KAZN: variants seen among roughly 807,000 people sequenced by gnomAD.
KAZN encodes kazrin, periplakin interacting protein, also known as kazrin.
Under a neutral mutation model 87.4 loss-of-function variants are expected in KAZN, and 40 were observed. The ratio of observed to expected loss-of-function variants is 0.46; its 90% CI spans 0.36 to 0.60. The LOEUF (loss-of-function observed/expected upper bound fraction) is 0.60. Among genes scored for constraint, KAZN ranks in the 20% least tolerant of loss-of-function variants. The pLI, the probability that KAZN is intolerant of heterozygous loss-of-function variation, is 0.00. For missense variants in KAZN, 898 were observed against 1,073.9 expected, an observed-to-expected ratio of 0.84 and a Z score of 2.29; for synonymous variants, 466 against 458.3, an observed-to-expected ratio of 1.02 and a Z score of -0.22.
intron 2 of KAZN, among the ~76,000 whole-genome samples, chr1:14,358,544 TTCTC>T (rs945848051): frequency 1.3e-5 from 2 of 152,210 alleles, no homozygotes; most frequent in Non-Finnish European, 2.9e-5. Flanking sequence ...CTTTCCTTCT[TTCTC>T]TTGTGGGCAT....
intron 1 of KAZN, among the ~76,000 whole-genome samples, chr1:14,778,867 TC>T (rs779135900): frequency 4.6e-5 from 7 of 152,186 alleles, no homozygotes; most frequent in Non-Finnish European, 8.8e-5. Context: ...GCAGGAACTT[TC>T]ATGAGACTGC....
At chr1:14,672,991 C>T (rs1324529198) in intron 1 of KAZN, among the ~76,000 whole-genome samples, 2 of 152,196 alleles carry the variant, frequency 1.3e-5, no homozygotes, top group African/African-American at 2.4e-5. Context: ...AGGCCGAGAA[C>T]GTTTCTGGCT....
chr1:14,642,038 G>A (rs934173498), intron 1 of KAZN, among the ~76,000 whole-genome samples: 3 of 152,172 alleles, frequency 2.0e-5, no homozygotes, highest in African/African-American at 7.2e-5. Flanking sequence ...TGCAGAAGAG[G>A]ATATATGGAT....
At chr1:14,638,568 CA>C (rs1485192591) in intron 1 of KAZN, among the ~76,000 whole-genome samples, 2 of 50,224 alleles carry the variant, frequency 4.0e-5, no homozygotes, top group South Asian at 6.2e-4. Flanking sequence ...GACTCCGTCT[CA>C]AAAAAAAAAC....
chr1:15,066,695 T>C lies in KAZN; in HGVS notation c.1222+942T>C, dbSNP rs556695505. 209 of 985,324 alleles carry C rather than the reference T, an allele frequency of 2.1e-4. 1 individual carries two copies. The highest frequency in any genetic ancestry group is 5.2e-4 in the Middle Eastern group (1 of 1,936). 61.0% of individuals were successfully genotyped at this position (985,324 alleles called of 1,614,324 possible). ...GGTGGGCGGGAGGTGGGTGTCTCTG[T>C]TGACTTGTCTGTTCTGTTACCATGC... is the stretch of plus-strand genomic sequence containing the variant. On this transcript the variant is annotated intron_variant, in intron 8 of 14. Transcript: ENST00000376030. The surrounding 1 kb of genome is among the most constrained non-coding windows in gnomAD (Gnocchi z 4.3).
At chr1:14,743,602 G>A (rs1644177830) in intron 1 of KAZN, among the ~76,000 whole-genome samples, 1 of 152,034 alleles carries the variant, frequency 6.6e-6, no homozygotes, top group African/African-American at 2.4e-5. Flanking sequence ...AGTCATATAG[G>A]TCATCGCTGG....
At chr1:14,956,581 G>A (rs912682912) in intron 1 of KAZN, among the ~76,000 whole-genome samples, 9 of 151,436 alleles carry the variant, frequency 5.9e-5, no homozygotes, top group Non-Finnish European at 1.2e-4. Context: ...ACTCCAGCCT[G>A]GGCAACAGGA....
chr1:14,225,620 A>C (rs535280955), intron 2 of KAZN, among the ~76,000 whole-genome samples: 1 of 152,310 alleles, frequency 6.6e-6, no homozygotes, highest in South Asian at 2.1e-4. Context: ...CTTACTTCAA[A>C]CTATATTACA....
chr1:14,642,286 C>T (rs1444956929), intron 1 of KAZN, among the ~76,000 whole-genome samples: 1 of 152,106 alleles, frequency 6.6e-6, no homozygotes, highest in Non-Finnish European at 1.5e-5. Context: ...TGTAGTCCCA[C>T]CTACTTGGCA....
At chr1:14,632,389 T>A (rs1312140577) in intron 1 of KAZN, among the ~76,000 whole-genome samples, 1 of 152,198 alleles carries the variant, frequency 6.6e-6, no homozygotes, top group East Asian at 1.9e-4. Flanking sequence ...AGAATTACCC[T>A]GCTGTCAACA....
chr1:14,707,065 T>C (rs982197018), intron 1 of KAZN, among the ~76,000 whole-genome samples: 3 of 152,206 alleles, frequency 2.0e-5, no homozygotes, highest in African/African-American at 7.2e-5. Context: ...TAGTTCTCCT[T>C]CCCTAATGGT....
intron 2 of KAZN, among the ~76,000 whole-genome samples, chr1:14,545,248 C>T (rs1384219885): frequency 6.6e-6 from 1 of 152,170 alleles, no homozygotes; most frequent in Non-Finnish European, 1.5e-5. Context: ...ACTTTATTAA[C>T]TTGATGCCTT....
At chr1:14,669,785 G>A in intron 1 of KAZN, among the ~76,000 whole-genome samples, 1 of 152,012 alleles carries the variant, frequency 6.6e-6, no homozygotes, top group East Asian at 1.9e-4. Context: ...ATAAAACCGA[G>A]GCCCTGTGAA....
At chr1:14,671,909 C>T (rs900097344) in intron 1 of KAZN, among the ~76,000 whole-genome samples, 2 of 152,154 alleles carry the variant, frequency 1.3e-5, no homozygotes, top group Admixed American at 1.3e-4. Flanking sequence ...TAGAACATTC[C>T]ATTTTCCCAT....
chr1:14,042,605 C>T (rs920074350), intron 1 of KAZN, among the ~76,000 whole-genome samples: 4 of 152,198 alleles, frequency 2.6e-5, no homozygotes, highest in African/African-American at 7.2e-5. Context: ...CAGATGGCAT[C>T]TAGTTTCACC....
At chr1:14,774,115 C>G (rs1288321218) in intron 1 of KAZN, among the ~76,000 whole-genome samples, 1 of 152,186 alleles carries the variant, frequency 6.6e-6, no homozygotes, top group East Asian at 1.9e-4. Flanking sequence ...GCTCTTACCT[C>G]TTCCCTAAGC....
chr1:14,929,087 G>A (rs1042713605), intron 1 of KAZN, among the ~76,000 whole-genome samples: 1 of 152,194 alleles, frequency 6.6e-6, no homozygotes, highest in South Asian at 2.1e-4. Context: ...AATGGAAATT[G>A]TATTACCCAC....
chr1:14,206,899 T>C (rs1273356881), intron 2 of KAZN, among the ~76,000 whole-genome samples: 1 of 152,108 alleles, frequency 6.6e-6, no homozygotes, highest in Non-Finnish European at 1.5e-5. Context: ...AATAACTCTG[T>C]GATAAATGGT....
chr1:14,671,640 C>CT (rs1054117152), intron 1 of KAZN, among the ~76,000 whole-genome samples: 101 of 148,942 alleles, frequency 6.8e-4, no homozygotes, highest in African/African-American at 2.1e-3. Context: ...AGGGCCCATC[C>CT]TTTTTTTTTT....
Sources: allele counts gnomAD v4.1 joint callset (sites outside exome capture counted in the v4.1 genomes callset), GRCh38; gene constraint gnomAD v4.1.1; non-coding constraint Gnocchi (gnomAD v3.1); transcripts MANE v1.5; gene names NCBI Gene and HGNC (gene_info 2026-07-23, HGNC 2026-07-21).